Variants in TAFA2 observed in about 807,000 individuals in gnomAD.
The protein encoded by TAFA2 is chemokine-like protein TAFA-2.
In TAFA2, 7 loss-of-function variants were observed where a neutral mutation model predicts 18.8. The ratio of observed to expected loss-of-function variants is 0.37; its 90% confidence interval spans 0.21 to 0.70. TAFA2 has a LOEUF of 0.70. TAFA2 is among the 30% of genes least tolerant of loss of function. The pLI, the probability that TAFA2 is intolerant of heterozygous loss-of-function variation, is 0.53. For synonymous variants in TAFA2, 60 were observed against 54.2 expected, an observed-to-expected ratio of 1.11 and a Z score of -0.47; for missense variants, 122 against 158.1, an observed-to-expected ratio of 0.77 and a Z score of 1.23.
At chr12:62,048,504 A>G (rs1320446459) in intron 1 of TAFA2, among the ~76,000 whole-genome samples, 1 of 152,206 alleles carries the variant, frequency 6.6e-6, no homozygotes, top group Admixed American at 6.5e-5. Flanking sequence ...GCCTAACCAT[A>G]TCAATACTCA....
chr12:61,878,467 G>C (rs189914183), intron 1 of TAFA2, among the ~76,000 whole-genome samples: 1 of 152,274 alleles, frequency 6.6e-6, no homozygotes, highest in Non-Finnish European at 1.5e-5. Context: ...TTGCTTACTT[G>C]TTTATTGTCT....
intron 2 of TAFA2, among the ~76,000 whole-genome samples, chr12:61,843,752 A>C (rs1475932615): frequency 6.6e-6 from 1 of 152,190 alleles, no homozygotes; most frequent in African/African-American, 2.4e-5. Context: ...ACAAATTTAT[A>C]AAGATGTGAA....
chr12:62,185,792 T>C (rs1446470862), intron 1 of TAFA2, among the ~76,000 whole-genome samples: 1 of 152,200 alleles, frequency 6.6e-6, no homozygotes, highest in African/African-American at 2.4e-5. Flanking sequence ...CATCAATATA[T>C]AATGCCCTAT....
chr12:62,157,129 A>C (rs868427001), intron 1 of TAFA2, among the ~76,000 whole-genome samples: 1 of 152,216 alleles, frequency 6.6e-6, no homozygotes, highest in Non-Finnish European at 1.5e-5. Flanking sequence ...AAAATGAAGG[A>C]CAATAATAAA....
At chr12:61,934,525 T>G (rs750762120) in intron 1 of TAFA2, among the ~76,000 whole-genome samples, 16 of 152,230 alleles carry the variant, frequency 1.1e-4, no homozygotes, top group Non-Finnish European at 2.1e-4. Flanking sequence ...CTGTAATTCT[T>G]TATTATGCTA....
chr12:61,752,667 G>A (rs1376440640), intron 4 of TAFA2, among the ~76,000 whole-genome samples: 1 of 151,936 alleles, frequency 6.6e-6, no homozygotes, highest in African/African-American at 2.4e-5. Flanking sequence ...ATCAGTCAAT[G>A]TATTAAATAT....
At chr12:61,940,877 C>T (rs189286785) in intron 1 of TAFA2, among the ~76,000 whole-genome samples, 6 of 151,978 alleles carry the variant, frequency 3.9e-5, no homozygotes, top group South Asian at 2.1e-4. Context: ...TTGAGGGAAA[C>T]GGTAGTAATT....
intron 1 of TAFA2, among the ~76,000 whole-genome samples, chr12:61,893,494 A>G (rs1377807966): frequency 1.3e-5 from 2 of 152,162 alleles, no homozygotes; most frequent in African/African-American, 4.8e-5. Context: ...TCTGGTAGAG[A>G]GGGTGAAGTG....
intron 1 of TAFA2, among the ~76,000 whole-genome samples, chr12:62,073,972 A>T (rs975005576): frequency 6.6e-6 from 1 of 152,262 alleles, no homozygotes; most frequent in African/African-American, 2.4e-5. Flanking sequence ...AGTATACAAT[A>T]CAAATGTTTT....
At chr12:62,209,952 G>A (rs946314983) in intron 1 of TAFA2, among the ~76,000 whole-genome samples, 1 of 152,154 alleles carries the variant, frequency 6.6e-6, no homozygotes, top group African/African-American at 2.4e-5. Context: ...TGTAATCCCA[G>A]CACCTTGGGA....
intron 2 of TAFA2, among the ~76,000 whole-genome samples, chr12:61,788,457 AC>A (rs1444574977): frequency 6.6e-6 from 1 of 151,758 alleles, no homozygotes; most frequent in Non-Finnish European, 1.5e-5. Flanking sequence ...ATGTTAGGCC[AC>A]AAAATAAATC....
At chr12:62,127,675 A>T (rs189035628) in intron 1 of TAFA2, among the ~76,000 whole-genome samples, 164 of 152,162 alleles carry the variant, frequency 1.1e-3, no homozygotes, top group South Asian at 4.1e-4. Flanking sequence ...TGAGCAAGTT[A>T]TGAGCCAGTG....
intron 1 of TAFA2, among the ~76,000 whole-genome samples, chr12:62,220,682 G>A (rs570582240): frequency 5.6e-4 from 85 of 152,250 alleles, no homozygotes; most frequent in African/African-American, 1.9e-3. Context: ...AAGAGTATGC[G>A]TGTGTGTACG....
At chr12:62,218,584 A>T (rs2062746941) in intron 1 of TAFA2, among the ~76,000 whole-genome samples, 1 of 152,226 alleles carries the variant, frequency 6.6e-6, no homozygotes, top group South Asian at 2.1e-4. Flanking sequence ...TCATTTAATA[A>T]ATATTTATTT....
At chr12:61,959,210 T>C (rs1165162300) in intron 1 of TAFA2, among the ~76,000 whole-genome samples, 1 of 152,002 alleles carries the variant, frequency 6.6e-6, no homozygotes, top group African/African-American at 2.4e-5. Context: ...ATTAAAAAAT[T>C]TGTTGGATTT....
chr12:62,051,445 T>C (rs534153492), intron 1 of TAFA2, among the ~76,000 whole-genome samples: 1 of 152,204 alleles, frequency 6.6e-6, no homozygotes, highest in South Asian at 2.1e-4. Flanking sequence ...TATGAGAGGA[T>C]ACAAGGTCAG....
rs1046579209 is a variant in TAFA2, at chr12:61,797,580, T to C, written c.107-42556A>G. Among the ~76,000 whole-genome samples the C allele has an allele frequency of 2.0e-5, 3 of 152,144 alleles. No homozygotes were observed. In the East Asian group the frequency reaches 5.8e-4, roughly 29 times the overall value. On this transcript the variant is annotated intron_variant, in intron 2 of 4. Transcript: ENST00000416284. The stretch of plus-strand genomic sequence containing the variant: ...GAAAAAAAAAATATAAAACCACAGA[T>C]GGAGTCCTCCATGTAGAAACTCTAA...
chr12:61,759,069 C>T (rs570764876), intron 2 of TAFA2, among the ~76,000 whole-genome samples: 1 of 152,064 alleles, frequency 6.6e-6, no homozygotes, highest in African/African-American at 2.4e-5. Context: ...CATTCTAGCA[C>T]CAAGGCCAGC....
chr12:62,128,863 G>T (rs1445442850), intron 1 of TAFA2, among the ~76,000 whole-genome samples: 16 of 152,084 alleles, frequency 1.1e-4, no homozygotes, highest in Admixed American at 1.1e-3. Context: ...TATTGTGTAA[G>T]TCTGTATAGT....
Sources: gnomAD v4.1 joint callset for allele counts (sites outside exome capture counted in the v4.1 genomes callset) on GRCh38, gnomAD v4.1.1 for gene constraint, MANE v1.5 for transcripts, NCBI Gene and HGNC (gene_info 2026-07-23, HGNC 2026-07-21) for gene names.